The following TJP2 variants were observed in gnomAD, a reference collection of about 807,000 sequenced individuals.
TJP2 encodes Friedreich ataxia region gene X104 (tight junction protein ZO-2).
TJP2 carries 91 observed loss-of-function variants against 133.1 expected under a neutral mutation model. The ratio of observed to expected loss-of-function variants is 0.68; its 90% CI spans 0.58 to 0.81. The LOEUF (loss-of-function observed/expected upper bound fraction) is 0.81. Ranked by LOEUF, TJP2 falls within the 40% of genes least tolerant of loss-of-function variation. TJP2 has a pLI of 0.00. For missense variants in TJP2, 1,541 were observed against 1,565.6 expected (o/e 0.98, Z 0.26); for synonymous variants, 592 against 583.4 (o/e 1.01, Z -0.21).
At chr9:69,164,034 G>A (rs1306287295) in intron 2 of TJP2, among the ~76,000 whole-genome samples, 4 of 152,118 alleles carry the variant, frequency 2.6e-5, no homozygotes, top group African/African-American at 9.7e-5. Flanking sequence ...CCTATCATCA[G>A]AGAAATTTAG....
chr9:69,225,202 A>C (rs1338765236), intron 5 of TJP2, 102 bp from the exon 6 acceptor site: 12 of 785,070 alleles, frequency 1.5e-5, no homozygotes, highest in Non-Finnish European at 2.4e-5. Flanking sequence ...CCATATACAA[A>C]ATTAACTTTT....
At chr9:69,233,649 G>A (rs916885640) in intron 11 of TJP2, among the ~76,000 whole-genome samples, 3 of 152,090 alleles carry the variant, frequency 2.0e-5, no homozygotes, top group Admixed American at 6.5e-5. Flanking sequence ...GGTGGCACAT[G>A]CCTGTAGTCG....
intron 2 of TJP2, among the ~76,000 whole-genome samples, chr9:69,159,894 CATAT>C (rs201741382): frequency 4.7e-3 from 279 of 58,808 alleles, no homozygotes; most frequent in Admixed American, 8.9e-3. Flanking sequence ...GAAATATATA[CATAT>C]ATATATATAT....
At chr9:69,140,922 C>T (rs1251014035) in intron 1 of TJP2, among the ~76,000 whole-genome samples, 1 of 152,242 alleles carries the variant, frequency 6.6e-6, no homozygotes, top group Non-Finnish European at 1.5e-5. Flanking sequence ...TCTTGGCTCA[C>T]TGCCACCTCT....
rs1438224119 is a variant in TJP2, at chr9:69,165,547, T to C, written c.-10+13776T>C. 3.3e-5 allele frequency among the ~76,000 whole-genome samples: 5 copies of C among 152,142 alleles called. No individual in the cohort carries two copies. The South Asian group carries it at 6.2e-4, about 19-fold the overall frequency. ...GAATACTGACTATATAGTCACTACATTGAATGACTTAGTATAGTATATGAA... is the reference window on the plus strand; with the variant it reads ...GAATACTGACTATATAGTCACTACACTGAATGACTTAGTATAGTATATGAA... On this transcript the variant is annotated intron_variant, in intron 2 of 5. Coordinates refer to the TJP2 transcript ENST00000423935.
chr9:69,240,729 G>C (rs544737840), intron 17 of TJP2, among the ~76,000 whole-genome samples: 1 of 151,648 alleles, frequency 6.6e-6, no homozygotes, highest in Non-Finnish European at 1.5e-5. Flanking sequence ...CTTGAGCCAG[G>C]AATTCAAAGC....
intron 1 of TJP2, among the ~76,000 whole-genome samples, chr9:69,179,128 G>A (rs1479402807): frequency 1.3e-5 from 2 of 152,220 alleles, no homozygotes; most frequent in East Asian, 3.8e-4. Context: ...TCAAGGAGAA[G>A]AGAAAATACT....
intron 1 of TJP2, among the ~76,000 whole-genome samples, chr9:69,123,030 A>C (rs1233024978): frequency 6.6e-6 from 1 of 152,130 alleles, no homozygotes; most frequent in East Asian, 1.9e-4. Flanking sequence ...GAAATGCAGG[A>C]TCTCAGGCCC....
intron 2 of TJP2, among the ~76,000 whole-genome samples, chr9:69,156,031 T>TA (rs1207795903): frequency 1.3e-5 from 2 of 152,342 alleles, no homozygotes; most frequent in Admixed American, 1.3e-4. Context: ...GTGACTCCTA[T>TA]ATGTAAACCA....
intron 1 of TJP2, among the ~76,000 whole-genome samples, chr9:69,136,286 A>C (rs1312790457): frequency 6.6e-6 from 1 of 152,178 alleles, no homozygotes; most frequent in Non-Finnish European, 1.5e-5. Flanking sequence ...TGGGAGGCCA[A>C]AGCGGGAGGA....
rs888071072 is a variant in TJP2, at chr9:69,216,390, C to T, written c.166C>T (p.His56Tyr). 1 of 1,614,124 alleles carries T rather than the reference C, an allele frequency of 6.2e-7. No homozygotes were observed. Among genetic ancestry groups the T allele is most frequent in the Non-Finnish European group, 8.5e-7 (1 of 1,180,016 alleles). The change falls in exon 3 of 23, where the codon CAC (histidine) becomes TAC (tyrosine). Residue 56 changes from histidine (H) to tyrosine (Y), a missense_variant. Transcript: ENST00000377245. ...AGTGTCCGGAGGCAGAGACAACCCCCACTTTGAAAATGGAGAAACGTCAAT... is the reference window on the plus strand; with the variant it reads ...AGTGTCCGGAGGCAGAGACAACCCCTACTTTGAAAATGGAGAAACGTCAAT... The part of the protein sequence containing the change: ...IAVSGGRDNP[H>Y]FENGETSIVI...
chr9:69,218,243 T>G lies in TJP2; in HGVS notation c.240-14T>G. The G allele has an allele frequency of 6.2e-7, 1 of 1,601,870 alleles. No homozygotes were observed. The highest frequency in any genetic ancestry group is 2.2e-5 in the East Asian group (1 of 44,826). ...GGGAGTTTTTCATGACCCATTTTTA[T>G]TTCTTGTTTACAGAGAAAATGACAG... On this transcript the variant is annotated splice_polypyrimidine_tract_variant and intron_variant, in intron 3 of 22. Transcript: ENST00000377245.
chr9:69,151,490 A>AG (rs1823476171), intron 1 of TJP2, among the ~76,000 whole-genome samples: 1 of 151,872 alleles, frequency 6.6e-6, no homozygotes, highest in Admixed American at 6.6e-5. Context: ...CAAAAAAAAA[A>AG]AAAAAGGATT....
intron 2 of TJP2, among the ~76,000 whole-genome samples, chr9:69,157,021 G>A (rs1297390002): frequency 6.6e-6 from 1 of 152,148 alleles, no homozygotes; most frequent in Admixed American, 6.5e-5. Context: ...TCAGGTCAGT[G>A]TTGATGTTAA....
intron 1 of TJP2, among the ~76,000 whole-genome samples, chr9:69,136,019 A>G (rs868090724): frequency 6.6e-6 from 1 of 152,224 alleles, no homozygotes; most frequent in South Asian, 2.1e-4. Flanking sequence ...TATTAGAGAT[A>G]GAAGGATGAC....
chr9:69,121,512 G>A (rs1822139244), exon 1 of TJP2: 3 of 277,374 alleles, frequency 1.1e-5, no homozygotes, highest in South Asian at 1.4e-4. Context: ...ATAATATACG[G>A]GAGCAGCCGC....
At chr9:69,246,988 G>T (rs938257088) in intron 18 of TJP2, among the ~76,000 whole-genome samples, 198 bp downstream of exon 18, 5 of 152,216 alleles carry the variant, frequency 3.3e-5, no homozygotes, top group Non-Finnish European at 7.3e-5. Context: ...AATGTGACAT[G>T]TGCAGCCCTA....
chr9:69,174,443 C>G lies in TJP2; in HGVS notation c.60+11C>G. On this transcript the variant is annotated intron_variant, in intron 1 of 22. Coordinates refer to ENST00000377245, the MANE Select transcript of TJP2 (RefSeq NM_004817.4). ...TCAGGTTGGCTCCGCGTAAGTGCCTCCTTGTGCCGCGCGGTTGGGAGGAGG... is the reference window on the plus strand; with the variant it reads ...TCAGGTTGGCTCCGCGTAAGTGCCTGCTTGTGCCGCGCGGTTGGGAGGAGG... 1 of 1,550,408 alleles carries G rather than the reference C, an allele frequency of 6.4e-7. No homozygotes were observed. The highest frequency in any genetic ancestry group is 8.7e-7 in the Non-Finnish European group (1 of 1,146,754).
At chr9:69,138,202 ATGTCTT>A (rs1238380871) in intron 1 of TJP2, among the ~76,000 whole-genome samples, 2 of 152,080 alleles carry the variant, frequency 1.3e-5, no homozygotes, top group African/African-American at 4.8e-5. Context: ...TGGAGGTCCC[ATGTCTT>A]TGTTTGCTCA....
Sources: gnomAD v4.1 joint callset for allele counts (sites outside exome capture counted in the v4.1 genomes callset) on GRCh38, gnomAD v4.1.1 for gene constraint, MANE v1.5 for transcripts, NCBI Gene and HGNC (gene_info 2026-07-23, HGNC 2026-07-21) for gene names.